Variants in RPRD1B observed in about 807,000 individuals in gnomAD.
RPRD1B encodes regulation of nuclear pre-mRNA domain containing 1B.
In RPRD1B, 11 loss-of-function variants were observed where a neutral mutation model predicts 41.5. The observed-to-expected ratio is 0.27, with a 90% CI of 0.17 to 0.44. The LOEUF (loss-of-function observed/expected upper bound fraction) is 0.44. Ranked by LOEUF, RPRD1B falls within the 20% of genes least tolerant of loss-of-function variation. The probability of loss-of-function intolerance (pLI) is 1.00; values close to 1 mark genes in which losing one functional copy is unlikely to be tolerated. For missense variants in RPRD1B, 248 were observed against 389.9 expected (o/e 0.64, Z 3.06); for synonymous variants, 158 against 155.6 (o/e 1.02, Z -0.12).
chr20:38,080,480 A>G (rs757657711), intron 6 of RPRD1B, among the ~76,000 whole-genome samples: 7 of 152,322 alleles, frequency 4.6e-5, no homozygotes, highest in Non-Finnish European at 7.3e-5. Flanking sequence ...GCTTGTTATC[A>G]TCAGCTTTGT....
rs528092627 is a variant in RPRD1B, at chr20:38,076,860, T to C, written c.831+10604T>C. On this transcript the variant is annotated intron_variant, in intron 6 of 6. Coordinates refer to ENST00000373433, the MANE Select transcript of RPRD1B (RefSeq NM_021215.4). ...CCTTCAATAAGCTTTTCTCCATGCC[T>C]TTATTGTAAATGTTGCCATTCCTTT... Among the ~76,000 whole-genome samples, 6 of 150,650 alleles carry C rather than the reference T, an allele frequency of 4.0e-5. No individual in the cohort carries two copies. The East Asian group carries it at 9.8e-4, about 25-fold the overall frequency.
At position 38,091,143 on chromosome 20, in the gene RPRD1B, A is replaced by C. The variant is rs142070280; in HGVS notation, c.*1268A>C. ...TTCTAATTTGGCAGGCTTATTTTTG[A>C]CATTGGAAAGGGCAGAAAGCGATTT... is the stretch of plus-strand genomic sequence containing the variant. On this transcript the variant is annotated 3_prime_UTR_variant, in exon 7 of 7. Coordinates refer to ENST00000373433, the MANE Select transcript of RPRD1B (RefSeq NM_021215.4). The C allele has an allele frequency of 4.3e-4, 420 of 985,786 alleles. 2 individuals carry two copies. In the African/African-American group the frequency reaches 6.2e-3, roughly 15 times the overall value. 61.1% of individuals were successfully genotyped at this position (985,786 alleles called of 1,614,324 possible).
intron 3 of RPRD1B, among the ~76,000 whole-genome samples, chr20:38,055,630 G>A (rs1366794951): frequency 6.6e-6 from 1 of 152,090 alleles, no homozygotes; most frequent in Admixed American, 6.5e-5. Context: ...CCACTAATAT[G>A]CCATTGGGAT....
chr20:38,033,894 C>T lies in RPRD1B; in HGVS notation c.-54C>T. 1 of 1,519,920 alleles carries T rather than the reference C, an allele frequency of 6.6e-7. No individual in the cohort carries two copies. The highest frequency in any genetic ancestry group is 2.4e-5 in the East Asian group (1 of 42,346). The allele number at this position is 1,519,920 out of a possible 1,614,324, so 94.2% of individuals were successfully genotyped here. A position where few individuals can be genotyped will look rare whatever the true frequency, so the allele number is the denominator to read the frequency against. ...GCCCCGGCCTCGTGCCGTCGCTCTT[C>T]CCGCCGCACTGGGCGGCCCAGGCCG... On this transcript the variant is annotated 5_prime_UTR_variant, in exon 1 of 7. Coordinates refer to ENST00000373433, the MANE Select transcript of RPRD1B (RefSeq NM_021215.4).
At chr20:38,079,360 A>G (rs1356496651) in intron 6 of RPRD1B, among the ~76,000 whole-genome samples, 1 of 152,008 alleles carries the variant, frequency 6.6e-6, no homozygotes, top group African/African-American at 2.4e-5. Context: ...TTTGTCATCC[A>G]GGTAATTGGC....
intron 5 of RPRD1B, 137 bp downstream of exon 5, chr20:38,059,657 G>T: frequency 1.3e-6 from 1 of 772,030 alleles, no homozygotes; most frequent in East Asian, 3.1e-5. Flanking sequence ...CTTGGGATTT[G>T]CAAACATAAC....
At chr20:38,087,728 G>A (rs1192627606) in intron 6 of RPRD1B, among the ~76,000 whole-genome samples, 5 of 152,162 alleles carry the variant, frequency 3.3e-5, no homozygotes, top group Non-Finnish European at 7.3e-5. Context: ...AAGTACTTGT[G>A]GGAGAAAGGG....
At chr20:38,039,403 A>T (rs1447535954) in intron 1 of RPRD1B, among the ~76,000 whole-genome samples, 2 of 150,726 alleles carry the variant, frequency 1.3e-5, no homozygotes, top group Non-Finnish European at 2.9e-5. Context: ...AAATTACAAG[A>T]AACCTTTTTT....
Position 38,059,031 on chromosome 20 carries a change from A to C in RPRD1B, c.529-363A>C, listed in dbSNP as rs569014288. On this transcript the variant is annotated intron_variant, in intron 4 of 6. Coordinates refer to ENST00000373433, the MANE Select transcript of RPRD1B (RefSeq NM_021215.4). The stretch of plus-strand genomic sequence containing the variant: ...ACCTGGCCACAACACACAGTTGTTA[A>C]CATCTGATATTTATACCTTTATTCT... Among the ~76,000 whole-genome samples the C allele has an allele frequency of 2.0e-5, 3 of 152,314 alleles. No homozygotes were observed. In the South Asian group the frequency reaches 6.2e-4, roughly 32 times the overall value.
At chr20:38,077,183 G>T (rs137890763) in intron 6 of RPRD1B, among the ~76,000 whole-genome samples, 1 of 151,958 alleles carries the variant, frequency 6.6e-6, no homozygotes, top group African/African-American at 2.4e-5. Flanking sequence ...CTCCCAAAGC[G>T]CTGGGATTAC....
At chr20:38,062,481 T>G (rs2074307957) in intron 5 of RPRD1B, among the ~76,000 whole-genome samples, 1 of 152,226 alleles carries the variant, frequency 6.6e-6, no homozygotes, top group Non-Finnish European at 1.5e-5. Context: ...AAGCTTACTC[T>G]GCCCCACACT....
At chr20:38,042,862 A>T (rs1221860408) in intron 2 of RPRD1B, among the ~76,000 whole-genome samples, 2 of 138,810 alleles carry the variant, frequency 1.4e-5, no homozygotes, top group African/African-American at 6.4e-5. Flanking sequence ...AAACAAACAA[A>T]CAGTAAAAAA....
intron 6 of RPRD1B, among the ~76,000 whole-genome samples, chr20:38,077,452 A>G (rs2074474350): frequency 6.6e-6 from 1 of 151,974 alleles, no homozygotes; most frequent in Non-Finnish European, 1.5e-5. Flanking sequence ...CATCAAAATC[A>G]GACACTAGGC....
intron 2 of RPRD1B, among the ~76,000 whole-genome samples, chr20:38,043,363 C>T (rs771972989): frequency 1.4e-4 from 21 of 152,030 alleles, no homozygotes; most frequent in African/African-American, 3.1e-4. Context: ...AGATGAGGTC[C>T]GAGAGGTGGA....
rs1383951548 is a variant in RPRD1B, at chr20:38,079,647, C to T, written c.832-10079C>T. 5.3e-5 allele frequency among the ~76,000 whole-genome samples: 8 copies of T among 152,184 alleles called. No homozygotes were observed. In the South Asian group the frequency reaches 1.7e-3, roughly 32 times the overall value. ...TGTGGATGGGCATCTAGGTTGATTC[C>T]ATGTCTTTGCTATTGTGAATAGTGC... On this transcript the variant is annotated intron_variant, in intron 6 of 6. Transcript: ENST00000373433.
chr20:38,081,498 G>C (rs1490119314), intron 6 of RPRD1B, among the ~76,000 whole-genome samples: 1 of 152,186 alleles, frequency 6.6e-6, no homozygotes, highest in African/African-American at 2.4e-5. Flanking sequence ...AGCCTGCAAC[G>C]AGAGATAGTT....
Position 38,057,638 on chromosome 20 carries a change from C to T in RPRD1B, c.522C>T (p.Pro174=), listed in dbSNP as rs773997690. The part of the protein sequence containing the change: ...SYSPQDPSAG[P]LLTEELIKAL... The stretch of plus-strand genomic sequence containing the variant: ...CTCCTCAGGATCCTTCTGCAGGACC[C>T]CTCTTGGTAGGTCTTGACCCCCAGA... Residue 174 remains proline, a synonymous_variant, in exon 4 of 7, where the codon CCC becomes CCT. Transcript: ENST00000373433. The T allele has an allele frequency of 1.2e-6, 2 of 1,610,864 alleles. No homozygotes were observed. Among genetic ancestry groups the T allele is most frequent in the East Asian group, 4.5e-5 (2 of 44,864 alleles).
intron 1 of RPRD1B, among the ~76,000 whole-genome samples, chr20:38,038,484 T>G (rs1323135438): frequency 8.0e-6 from 1 of 124,472 alleles, no homozygotes; most frequent in Non-Finnish European, 1.6e-5. Context: ...TGATTTTTTT[T>G]GTTTTGTTTT....
chr20:38,090,015 G>C lies in RPRD1B; in HGVS notation c.*140G>C, dbSNP rs2074599582. On this transcript the variant is annotated 3_prime_UTR_variant, in exon 7 of 7. Transcript: ENST00000373433. ...GCCTCAAGAAAGAACCTCAGACTCT[G>C]ATTCTCCTCTTCAGCCTCTCATCTT... 9 of 1,444,306 alleles carry C rather than the reference G, an allele frequency of 6.2e-6. No individual in the cohort carries two copies. The South Asian group carries it at 1.4e-4, about 22-fold the overall frequency. The allele number at this position is 1,444,306 out of a possible 1,614,324, so 89.5% of individuals were successfully genotyped here. A position where few individuals can be genotyped will look rare whatever the true frequency, so the allele number is the denominator to read the frequency against.
Sources: gnomAD v4.1 joint callset for allele counts (sites outside exome capture counted in the v4.1 genomes callset) on GRCh38, gnomAD v4.1.1 for gene constraint, MANE v1.5 for transcripts, NCBI Gene and HGNC (gene_info 2026-07-23, HGNC 2026-07-21) for gene names.